The following PEX5L variants were observed in gnomAD, a reference collection of about 807,000 sequenced individuals.
The protein encoded by PEX5L is PEX5-related protein.
Under a neutral mutation model 84.0 loss-of-function variants are expected in PEX5L, and 30 were observed. That is an observed-to-expected ratio of 0.36 (90% CI 0.27 to 0.48). The LOEUF (loss-of-function observed/expected upper bound fraction) is 0.48. PEX5L is among the 20% of genes least tolerant of loss of function. The pLI, the probability that PEX5L is intolerant of heterozygous loss-of-function variation, is 0.99. For synonymous variants in PEX5L, 270 were observed against 283.1 expected, an observed-to-expected ratio of 0.95 and a Z score of 0.46; for missense variants, 533 against 754.6, an observed-to-expected ratio of 0.71 and a Z score of 3.44.
intron 1 of PEX5L, among the ~76,000 whole-genome samples, chr3:179,974,659 A>C (rs948526036): frequency 6.6e-6 from 1 of 152,182 alleles, no homozygotes; most frequent in African/African-American, 2.4e-5. Flanking sequence ...TCTGACCTGC[A>C]AGAGACGTAT....
At chr3:180,003,432 A>G (rs981645055) in intron 1 of PEX5L, among the ~76,000 whole-genome samples, 1 of 152,160 alleles carries the variant, frequency 6.6e-6, no homozygotes, top group South Asian at 2.1e-4. Context: ...AGATTTTAAT[A>G]CCAAATTGCA....
At chr3:179,814,839 C>CCTAT (rs1199500879) in intron 10 of PEX5L, among the ~76,000 whole-genome samples, 2 of 152,064 alleles carry the variant, frequency 1.3e-5, no homozygotes, top group Non-Finnish European at 2.9e-5. Context: ...CAAATTCTTG[C>CCTAT]CTATCTCTTC....
chr3:179,967,257 G>C (rs1783575561), intron 2 of PEX5L, among the ~76,000 whole-genome samples: 2 of 152,182 alleles, frequency 1.3e-5, no homozygotes, highest in African/African-American at 4.8e-5. Context: ...GCAGGAGGGA[G>C]AGCTGGCTTC....
intron 1 of PEX5L, among the ~76,000 whole-genome samples, chr3:179,999,715 T>C (rs1166410704): frequency 6.6e-6 from 1 of 152,174 alleles, no homozygotes; most frequent in Non-Finnish European, 1.5e-5. Context: ...GAATGCCTTA[T>C]CCACCATCAT....
At position 179,977,250 on chromosome 3, in the gene PEX5L, TA is replaced by T. The variant is rs544679468; in HGVS notation, c.22-5586del. On this transcript the variant is annotated intron_variant, in intron 1 of 14. Transcript: ENST00000467460. ...TACTCATTTAAAGACTTCTTTGCAG[TA>T]AAAAAGATGGGGCCAGGACTTTACC... Among the ~76,000 whole-genome samples the T allele has an allele frequency of 2.6e-5, 4 of 152,298 alleles. 1 individual carries two copies. The South Asian group carries it at 8.3e-4, about 32-fold the overall frequency.
chr3:179,818,446 A>C (rs112833312), intron 9 of PEX5L, among the ~76,000 whole-genome samples: 6 of 152,162 alleles, frequency 3.9e-5, no homozygotes, highest in African/African-American at 1.4e-4. Flanking sequence ...TGTTATAAAG[A>C]ATCCAATTAT....
At chr3:179,948,549 T>C (rs1255595523) in intron 2 of PEX5L, among the ~76,000 whole-genome samples, 1 of 152,166 alleles carries the variant, frequency 6.6e-6, no homozygotes, top group Non-Finnish European at 1.5e-5. Context: ...GAAATACAAT[T>C]AGACGTGTGG....
At chr3:179,833,227 A>G (rs1000686513) in intron 8 of PEX5L, among the ~76,000 whole-genome samples, 1 of 152,230 alleles carries the variant, frequency 6.6e-6, no homozygotes, top group Non-Finnish European at 1.5e-5. Flanking sequence ...TGAAGAAATA[A>G]GAGGATTTAG....
intron 7 of PEX5L, among the ~76,000 whole-genome samples, chr3:179,860,323 T>C (rs1745590030): frequency 1.3e-5 from 2 of 152,178 alleles, no homozygotes; most frequent in South Asian, 4.1e-4. Context: ...GGGCTTGAAA[T>C]GAATTTCCCC....
At chr3:179,869,788 T>A (rs1265166713) in intron 7 of PEX5L, among the ~76,000 whole-genome samples, 1 of 152,228 alleles carries the variant, frequency 6.6e-6, no homozygotes, top group Non-Finnish European at 1.5e-5. Flanking sequence ...AATTTAGCAG[T>A]GTGCCCAGAC....
At chr3:180,031,192 G>A (rs1791432552) in intron 1 of PEX5L, among the ~76,000 whole-genome samples, 1 of 152,110 alleles carries the variant, frequency 6.6e-6, no homozygotes, top group Non-Finnish European at 1.5e-5. Context: ...TACGCCTTGA[G>A]CAATTGTCTT....
intron 8 of PEX5L, among the ~76,000 whole-genome samples, chr3:179,821,267 T>C (rs145731664): frequency 6.6e-6 from 1 of 152,328 alleles, no homozygotes; most frequent in East Asian, 1.9e-4. Flanking sequence ...ACAATGAGTA[T>C]TCCTTGAACA....
At chr3:179,906,590 T>C (rs1763300295) in intron 2 of PEX5L, among the ~76,000 whole-genome samples, 1 of 152,218 alleles carries the variant, frequency 6.6e-6, no homozygotes. Flanking sequence ...AAATTTGTTA[T>C]AGTTTGAGAG....
At chr3:179,967,833 GC>G (rs1313266771) in intron 2 of PEX5L, among the ~76,000 whole-genome samples, 3 of 152,176 alleles carry the variant, frequency 2.0e-5, no homozygotes, top group Admixed American at 6.6e-5. Flanking sequence ...ACTTAGAAAT[GC>G]AAATTGTCAG....
At chr3:179,917,347 T>TTA (rs1553896936) in intron 2 of PEX5L, among the ~76,000 whole-genome samples, 1 of 151,428 alleles carries the variant, frequency 6.6e-6, no homozygotes, top group African/African-American at 2.4e-5. Context: ...TTTTTTTTTT[T>TTA]AAAATAAGCT....
At chr3:179,838,220 G>A (rs1361903363) in intron 8 of PEX5L, among the ~76,000 whole-genome samples, 1 of 151,608 alleles carries the variant, frequency 6.6e-6, no homozygotes, top group African/African-American at 2.4e-5. Context: ...CTTGTGTTTT[G>A]TCTGTTTATT....
At chr3:179,829,454 G>C (rs139059219) in intron 8 of PEX5L, among the ~76,000 whole-genome samples, 19 of 152,236 alleles carry the variant, frequency 1.2e-4, no homozygotes, top group African/African-American at 4.6e-4. Context: ...CTTAATGGTG[G>C]TGTGACCTTG....
At chr3:179,857,069 A>C (rs929628202) in intron 8 of PEX5L, among the ~76,000 whole-genome samples, 20 of 152,220 alleles carry the variant, frequency 1.3e-4, no homozygotes, top group Admixed American at 1.3e-3. Flanking sequence ...TGCTGAATGA[A>C]TAACTACTTG....
rs143559333 is a variant in PEX5L at position 179,963,624 on chromosome 3, T to C, written c.93+7970A>G. 1.4e-4 allele frequency among the ~76,000 whole-genome samples: 22 copies of C among 152,308 alleles called. 1 individual carries two copies. Among genetic ancestry groups the C allele is most frequent in the African/African-American group, 4.6e-4 (19 of 41,570 alleles). Reference sequence around the variant, plus strand: ...ATACACAGACTATTTTGTCTGATTATATACTGTTTAAAATTTTAAAAAAGA... The same window carrying C: ...ATACACAGACTATTTTGTCTGATTACATACTGTTTAAAATTTTAAAAAAGA... On this transcript the variant is annotated intron_variant, in intron 2 of 14. Coordinates refer to ENST00000467460, the MANE Select transcript of PEX5L (RefSeq NM_016559.3).
Sources: gnomAD v4.1 joint callset for allele counts (sites outside exome capture counted in the v4.1 genomes callset) on GRCh38, gnomAD v4.1.1 for gene constraint, MANE v1.5 for transcripts, NCBI Gene and HGNC (gene_info 2026-07-23, HGNC 2026-07-21) for gene names.